The following TAFA2 variants were observed in gnomAD, a reference collection of about 807,000 sequenced individuals.
TAFA2 encodes the protein chemokine-like protein TAFA-2.
Under a neutral mutation model 18.8 loss-of-function variants are expected in TAFA2, and 7 were observed. The ratio of observed to expected loss-of-function variants is 0.37; its 90% confidence interval spans 0.21 to 0.70. TAFA2 has a LOEUF of 0.70. TAFA2 is among the 30% of genes least tolerant of loss of function. The probability of loss-of-function intolerance (pLI) is 0.53; values close to 1 mark genes in which losing one functional copy is unlikely to be tolerated. For missense variants in TAFA2, 122 were observed against 158.1 expected, an observed-to-expected ratio of 0.77 and a Z score of 1.23; for synonymous variants, 60 against 54.2, an observed-to-expected ratio of 1.11 and a Z score of -0.47.
intron 1 of TAFA2, among the ~76,000 whole-genome samples, chr12:62,248,567 C>T (rs1227377149): frequency 1.3e-5 from 2 of 152,056 alleles, no homozygotes; most frequent in Non-Finnish European, 2.9e-5. Flanking sequence ...CATGAGATCT[C>T]AACACATTTT....
chr12:61,856,897 A>G (rs1873907888), intron 2 of TAFA2, among the ~76,000 whole-genome samples: 1 of 151,694 alleles, frequency 6.6e-6, no homozygotes, highest in African/African-American at 2.4e-5. Flanking sequence ...GTATGGTTAA[A>G]TAATTTTCAA....
chr12:61,785,536 T>C (rs1482173872), intron 2 of TAFA2, among the ~76,000 whole-genome samples: 1 of 151,516 alleles, frequency 6.6e-6, no homozygotes, highest in East Asian at 1.9e-4. Context: ...ATGGCCAGAT[T>C]ATTTCTACTT....
At chr12:62,176,766 G>T (rs1194302174) in intron 1 of TAFA2, among the ~76,000 whole-genome samples, 2 of 152,156 alleles carry the variant, frequency 1.3e-5, no homozygotes, top group Non-Finnish European at 2.9e-5. Context: ...AATTGAAAAA[G>T]GGGGTCCTAC....
chr12:61,761,890 T>TGCCC (rs1869564375), intron 2 of TAFA2, among the ~76,000 whole-genome samples: 2 of 152,064 alleles, frequency 1.3e-5, no homozygotes, highest in Non-Finnish European at 2.9e-5. Context: ...GGTGATTGGA[T>TGCCC]CATGGGGCAG....
intron 2 of TAFA2, among the ~76,000 whole-genome samples, chr12:61,863,732 C>T (rs145981077): frequency 1.5e-3 from 225 of 152,284 alleles, no homozygotes; most frequent in African/African-American, 5.0e-3. Flanking sequence ...GGCTGTGCAC[C>T]TTTCCTCCAC....
intron 1 of TAFA2, among the ~76,000 whole-genome samples, chr12:62,078,416 G>GA (rs71450573): frequency 0.25 from 35,740 of 143,392 alleles, 4,710 homozygotes; most frequent in East Asian, 0.47. Context: ...AGTATAATTG[G>GA]AAAAAAAAAA....
At chr12:62,039,526 A>C (rs1881701859) in intron 1 of TAFA2, among the ~76,000 whole-genome samples, 1 of 152,190 alleles carries the variant, frequency 6.6e-6, no homozygotes, top group South Asian at 2.1e-4. Flanking sequence ...GCAGGGCATT[A>C]AGCAATGTTG....
chr12:61,985,648 T>G (rs926235028), intron 1 of TAFA2, among the ~76,000 whole-genome samples: 3 of 152,238 alleles, frequency 2.0e-5, no homozygotes, highest in Non-Finnish European at 4.4e-5. Flanking sequence ...CAGCTCCCTG[T>G]ACTTCAGAAG....
At chr12:61,999,919 T>C (rs1880324419) in intron 1 of TAFA2, among the ~76,000 whole-genome samples, 1 of 152,176 alleles carries the variant, frequency 6.6e-6, no homozygotes, top group Non-Finnish European at 1.5e-5. Flanking sequence ...TTGGCTCATA[T>C]AGGTTCTTTT....
intron 1 of TAFA2, among the ~76,000 whole-genome samples, chr12:62,237,353 C>T (rs544109828): frequency 7.2e-5 from 11 of 152,294 alleles, no homozygotes; most frequent in South Asian, 4.1e-4. Flanking sequence ...GTTTAACAAA[C>T]GTATTTCTCT....
At chr12:61,935,885 T>C (rs1445620444) in intron 1 of TAFA2, among the ~76,000 whole-genome samples, 1 of 151,818 alleles carries the variant, frequency 6.6e-6, no homozygotes, top group African/African-American at 2.4e-5. Flanking sequence ...CAAAAAGATC[T>C]CTGGACCAGA....
chr12:62,193,090 C>G (rs1281156599), upstream of TAFA2, among the ~76,000 whole-genome samples: 1 of 152,136 alleles, frequency 6.6e-6, no homozygotes, highest in East Asian at 1.9e-4. Context: ...CATGTTTGGT[C>G]AAATTGGGTG....
chr12:62,237,332 T>C (rs556305380), intron 1 of TAFA2, among the ~76,000 whole-genome samples: 7 of 152,368 alleles, frequency 4.6e-5, no homozygotes, highest in Non-Finnish European at 1.0e-4. Flanking sequence ...GAGCTTCTAA[T>C]GCATTTTTCA....
In TAFA2 at chr12:62,160,160, A is replaced by T. The variant is rs190566956; in HGVS notation, c.-2+31099T>A. On this transcript the variant is annotated intron_variant, in intron 1 of 4. Transcript: ENST00000416284. The stretch of plus-strand genomic sequence containing the variant: ...AGCTCTTTTTGTCAAATCTCCTGGG[A>T]ACCCAGCCATGCAGCTGCCCTTTCC... Among the ~76,000 whole-genome samples the T allele has an allele frequency of 3.4e-3, 513 of 152,276 alleles. 3 individuals are homozygous for T. The highest frequency in any genetic ancestry group is 6.1e-3 in the Non-Finnish European group (415 of 68,008).
At chr12:62,205,795 C>T (rs979991491) in intron 1 of TAFA2, among the ~76,000 whole-genome samples, 4 of 152,162 alleles carry the variant, frequency 2.6e-5, no homozygotes, top group African/African-American at 7.2e-5. Context: ...AGGCAGTCTT[C>T]AGCCAAGTGG....
intron 1 of TAFA2, among the ~76,000 whole-genome samples, chr12:62,211,661 T>C (rs2062714895): frequency 1.3e-5 from 2 of 152,160 alleles, no homozygotes; most frequent in Non-Finnish European, 2.9e-5. Flanking sequence ...ATAGGTCTTC[T>C]TTCATAATCA....
chr12:61,835,369 C>T (rs578181296), intron 2 of TAFA2, among the ~76,000 whole-genome samples: 2 of 151,810 alleles, frequency 1.3e-5, no homozygotes, highest in Non-Finnish European at 2.9e-5. Flanking sequence ...TTTTGGGGGG[C>T]CTGGCTTATT....
At chr12:61,877,274 A>C (rs952185693) in intron 1 of TAFA2, among the ~76,000 whole-genome samples, 3 of 152,172 alleles carry the variant, frequency 2.0e-5, no homozygotes, top group African/African-American at 4.8e-5. Context: ...AATTGGTCAC[A>C]TAATACACAC....
At chr12:62,221,111 A>C (rs2062758974) in intron 1 of TAFA2, among the ~76,000 whole-genome samples, 1 of 150,152 alleles carries the variant, frequency 6.7e-6, no homozygotes, top group African/African-American at 2.4e-5. Context: ...CTAAAAAAAA[A>C]CAAAAACAAA....
Sources: gnomAD v4.1 joint callset for allele counts (sites outside exome capture counted in the v4.1 genomes callset) on GRCh38, gnomAD v4.1.1 for gene constraint, MANE v1.5 for transcripts, NCBI Gene and HGNC (gene_info 2026-07-23, HGNC 2026-07-21) for gene names.